EIPR1: variants seen among roughly 807,000 people sequenced by gnomAD.
The protein encoded by EIPR1 is EARP and GARP complex-interacting protein 1.
EIPR1 carries 25 observed loss-of-function variants against 48.1 expected under a neutral mutation model. The ratio of observed to expected loss-of-function variants is 0.52; its 90% CI spans 0.38 to 0.73. The LOEUF is 0.73. Among genes scored for constraint, EIPR1 ranks in the 30% least tolerant of loss-of-function variants. The probability of loss-of-function intolerance (pLI) is 0.00; values close to 1 mark genes in which losing one functional copy is unlikely to be tolerated. For missense variants in EIPR1, 415 were observed against 506.2 expected, an observed-to-expected ratio of 0.82 and a Z score of 1.73; for synonymous variants, 204 against 201.9, an observed-to-expected ratio of 1.01 and a Z score of -0.09.
intron 4 of EIPR1, among the ~76,000 whole-genome samples, chr2:3,255,979 G>A (rs1667142655): frequency 6.6e-6 from 1 of 152,194 alleles, no homozygotes; most frequent in Admixed American, 6.5e-5. Context: ...CTGCATTCGG[G>A]CGGGGAGTGA....
At chr2:3,298,035 T>G (rs1169640033) in intron 3 of EIPR1, among the ~76,000 whole-genome samples, 1 of 152,210 alleles carries the variant, frequency 6.6e-6, no homozygotes, top group Non-Finnish European at 1.5e-5. Flanking sequence ...CTTTTGAGCC[T>G]ATGGGTCAGA....
intron 1 of EIPR1, among the ~76,000 whole-genome samples, chr2:3,375,166 T>C (rs1212450763): frequency 7.1e-6 from 1 of 140,994 alleles, no homozygotes; most frequent in African/African-American, 2.7e-5. Context: ...CACTCACAGA[T>C]GGGAATTGAA....
intron 3 of EIPR1, among the ~76,000 whole-genome samples, chr2:3,296,525 C>G (rs1668604513): frequency 6.8e-6 from 1 of 146,126 alleles, no homozygotes; most frequent in Admixed American, 6.8e-5. Context: ...ATCCTCTCTA[C>G]ACACACACCC....
chr2:3,264,650 C>T (rs571494600), intron 3 of EIPR1, among the ~76,000 whole-genome samples: 6 of 152,302 alleles, frequency 3.9e-5, no homozygotes, highest in African/African-American at 1.4e-4. Flanking sequence ...ACCTCACCCC[C>T]ATTCCTTTGC....
intron 3 of EIPR1, among the ~76,000 whole-genome samples, chr2:3,295,532 C>CCCTGCA (rs1553296491): frequency 1.2e-5 from 1 of 81,098 alleles, no homozygotes; most frequent in African/African-American, 5.0e-5. Flanking sequence ...CATCGTCTCT[C>CCCTGCA]CACACACACC....
intron 5 of EIPR1, among the ~76,000 whole-genome samples, chr2:3,205,699 C>T (rs1665209104): frequency 6.6e-6 from 1 of 152,224 alleles, no homozygotes; most frequent in Non-Finnish European, 1.5e-5. Flanking sequence ...GTTGGGAATT[C>T]CAGTCCCAGC....
At chr2:3,283,949 A>C (rs1288283356) in intron 3 of EIPR1, among the ~76,000 whole-genome samples, 1 of 146,632 alleles carries the variant, frequency 6.8e-6, no homozygotes, top group Non-Finnish European at 1.5e-5. Flanking sequence ...ACATCTAAAA[A>C]AAAAAAAAAA....
At chr2:3,372,794 C>T (rs923517533) in intron 1 of EIPR1, among the ~76,000 whole-genome samples, 1 of 152,164 alleles carries the variant, frequency 6.6e-6, no homozygotes, top group African/African-American at 2.4e-5. Flanking sequence ...CGAATTCTAC[C>T]AGAGGTATAA....
intron 3 of EIPR1, among the ~76,000 whole-genome samples, chr2:3,335,525 T>C (rs569658994): frequency 1.2e-3 from 189 of 152,178 alleles, no homozygotes; most frequent in African/African-American, 4.3e-3. Context: ...GGAAGAGTTA[T>C]ACGATGGTGG....
chr2:3,230,284 C>G (rs1321519172), intron 4 of EIPR1, among the ~76,000 whole-genome samples: 1 of 152,136 alleles, frequency 6.6e-6, no homozygotes, highest in Non-Finnish European at 1.5e-5. Flanking sequence ...ATGTGGAACA[C>G]TGTAGGGAAA....
chr2:3,274,410 CA>C, intron 3 of EIPR1: 1 of 1,550,362 alleles, frequency 6.5e-7, no homozygotes, highest in Non-Finnish European at 8.7e-7. Flanking sequence ...AGACAGCACA[CA>C]ACAAAATGCT....
chr2:3,329,472 T>G (rs7588599), intron 3 of EIPR1, among the ~76,000 whole-genome samples: 63,897 of 132,098 alleles, frequency 0.48, 15,057 homozygotes, highest in East Asian at 0.81. Flanking sequence ...ATCTCGAGGT[T>G]CCAGCCAGGC....
chr2:3,198,948 C>T (rs556390130), intron 5 of EIPR1, among the ~76,000 whole-genome samples: 28 of 150,400 alleles, frequency 1.9e-4, no homozygotes, highest in African/African-American at 6.1e-4. Flanking sequence ...ATTCGCCAGG[C>T]TGGAATTTCC....
At chr2:3,205,765 A>G (rs1291921069) in intron 5 of EIPR1, among the ~76,000 whole-genome samples, 4 of 152,124 alleles carry the variant, frequency 2.6e-5, no homozygotes, top group Non-Finnish European at 2.9e-5. Context: ...GTAAGCCATC[A>G]TTGGCAGGTT....
At chr2:3,220,069 C>T (rs1055797079) in intron 4 of EIPR1, among the ~76,000 whole-genome samples, 14 of 152,194 alleles carry the variant, frequency 9.2e-5, no homozygotes, top group African/African-American at 3.4e-4. Flanking sequence ...CTGCACACTC[C>T]TTATGAGAAT....
At chr2:3,296,653 T>A (rs1161442965) in intron 3 of EIPR1, among the ~76,000 whole-genome samples, 2 of 115,094 alleles carry the variant, frequency 1.7e-5, no homozygotes, top group Non-Finnish European at 3.6e-5. Context: ...ATCCAGCCCA[T>A]CCCGTCTACA....
intron 4 of EIPR1, among the ~76,000 whole-genome samples, chr2:3,236,322 T>C (rs1376239806): frequency 6.6e-6 from 1 of 152,210 alleles, no homozygotes; most frequent in Non-Finnish European, 1.5e-5. Flanking sequence ...CAACATGGCA[T>C]CTCTGGCAAG....
intron 3 of EIPR1, among the ~76,000 whole-genome samples, chr2:3,289,645 C>T (rs1239526841): frequency 6.6e-6 from 1 of 152,200 alleles, no homozygotes; most frequent in African/African-American, 2.4e-5. Flanking sequence ...CTTTGAATCC[C>T]GTAGGGTGTG....
chr2:3,278,948 T>C (rs1316302228), intron 3 of EIPR1, among the ~76,000 whole-genome samples: 2 of 152,194 alleles, frequency 1.3e-5, no homozygotes, highest in East Asian at 3.9e-4. Context: ...GGTTGATACG[T>C]GAGTTCACCT....
Sources: allele counts gnomAD v4.1 joint callset (sites outside exome capture counted in the v4.1 genomes callset), GRCh38; gene constraint gnomAD v4.1.1; transcripts MANE v1.5; gene names NCBI Gene and HGNC (gene_info 2026-07-23, HGNC 2026-07-21).